KCNJ6: variants seen among roughly 807,000 people sequenced by gnomAD.
KCNJ6 encodes the protein G protein-activated inward rectifier potassium channel 2.
Under a neutral mutation model 34.2 loss-of-function variants are expected in KCNJ6, and 9 were observed. The ratio of observed to expected loss-of-function variants is 0.26; its 90% CI spans 0.16 to 0.46. The LOEUF is 0.46. Ranked by LOEUF, KCNJ6 falls within the 20% of genes least tolerant of loss-of-function variation. KCNJ6 has a pLI of 1.00. For synonymous variants in KCNJ6, 196 were observed against 207.1 expected (o/e 0.95, Z 0.46); for missense variants, 236 against 531.3 (o/e 0.44, Z 5.46).
intron 1 of KCNJ6, among the ~76,000 whole-genome samples, chr21:37,848,038 A>G (rs931567356): frequency 6.6e-6 from 1 of 152,192 alleles, no homozygotes; most frequent in Non-Finnish European, 1.5e-5. Context: ...TGAGAAGAAG[A>G]GCAGGAGGCT....
rs529790767 is a variant in KCNJ6, at chr21:37,822,625, C to T, written c.25+18033G>A. ...GGATGCTTTATATTGGGGTCTATGG[C>T]TTTGTTGGAGCCTGCTCACATAGAC... On this transcript the variant is annotated intron_variant, in intron 2 of 3. Coordinates refer to ENST00000609713, the MANE Select transcript of KCNJ6 (RefSeq NM_002240.5). Among the ~76,000 whole-genome samples, 12 of 152,304 alleles carry T rather than the reference C, an allele frequency of 7.9e-5. No homozygotes were observed. The South Asian group carries it at 2.5e-3, about 32-fold the overall frequency.
intron 3 of KCNJ6, among the ~76,000 whole-genome samples, chr21:37,632,316 A>G (rs1016566407): frequency 4.1e-5 from 6 of 147,774 alleles, no homozygotes; most frequent in African/African-American, 7.3e-5. Context: ...TGGAAATTTG[A>G]TAGTACTTAG....
intron 2 of KCNJ6, among the ~76,000 whole-genome samples, chr21:37,725,942 GTC>G (rs1168130126): frequency 6.6e-6 from 1 of 152,144 alleles, no homozygotes; most frequent in Non-Finnish European, 1.5e-5. Context: ...TTTCACTCTT[GTC>G]ACCCAGGCTG....
intron 1 of KCNJ6, among the ~76,000 whole-genome samples, chr21:37,884,843 C>G (rs926348145): frequency 6.6e-6 from 1 of 152,140 alleles, no homozygotes; most frequent in Non-Finnish European, 1.5e-5. Context: ...AAATAATGTG[C>G]GTCTCACTTC....
At chr21:37,721,412 T>C (rs1273773044) in intron 2 of KCNJ6, among the ~76,000 whole-genome samples, 2 of 152,174 alleles carry the variant, frequency 1.3e-5, no homozygotes, top group African/African-American at 4.8e-5. Flanking sequence ...AATCCAGCAA[T>C]TGCACTTCTA....
At chr21:37,860,686 C>G (rs761443818) in intron 1 of KCNJ6, among the ~76,000 whole-genome samples, 1 of 152,044 alleles carries the variant, frequency 6.6e-6, no homozygotes, top group Non-Finnish European at 1.5e-5. Context: ...GGCCATTGTA[C>G]TTGCCAGAAA....
At chr21:37,737,483 A>G (rs1263368696) in intron 2 of KCNJ6, among the ~76,000 whole-genome samples, 7 of 152,246 alleles carry the variant, frequency 4.6e-5, no homozygotes, top group East Asian at 3.8e-4. Flanking sequence ...TTATTTTTCC[A>G]GGATCATCTT....
Position 37,714,215 on chromosome 21 carries a change from G to C in KCNJ6, c.942C>G (p.Ala314=), listed in dbSNP as rs2054778039. Residue 314 remains alanine, a synonymous_variant, in exon 3 of 4, where the codon GCC becomes GCG. Coordinates refer to ENST00000609713, the MANE Select transcript of KCNJ6 (RefSeq NM_002240.5). This position sits in a 1 kb window ranked among gnomAD's most constrained non-coding sequence, Gnocchi z 5.9. The part of the protein sequence containing the change: ...IVVILEGMVE[A]TGMTCQARSS... Reference sequence around the variant, plus strand: ...CCAGGATAGAACACATCTTACCTGTGGCTTCCACCATTCCTTCTAGGATGA... The same window carrying C: ...CCAGGATAGAACACATCTTACCTGTCGCTTCCACCATTCCTTCTAGGATGA... The C allele has an allele frequency of 6.2e-7, 1 of 1,611,386 alleles. No individual in the cohort carries two copies. Among genetic ancestry groups the C allele is most frequent in the African/African-American group, 1.3e-5 (1 of 74,864 alleles).
chr21:37,880,853 A>C (rs894021835), intron 1 of KCNJ6, among the ~76,000 whole-genome samples: 2 of 152,232 alleles, frequency 1.3e-5, no homozygotes, highest in Non-Finnish European at 2.9e-5. Flanking sequence ...CAAGGAAAAC[A>C]GATGAGAACC....
intron 2 of KCNJ6, among the ~76,000 whole-genome samples, chr21:37,817,621 C>T (rs2055352739): frequency 6.6e-6 from 1 of 152,182 alleles, no homozygotes. Flanking sequence ...GGGGTATTCT[C>T]AGGTTCACCT....
chr21:37,682,242 A>G (rs1170316743), intron 3 of KCNJ6, among the ~76,000 whole-genome samples: 2 of 152,180 alleles, frequency 1.3e-5, no homozygotes, highest in African/African-American at 4.8e-5. Context: ...AGGGCTGTGC[A>G]TACTCTGAAG....
intron 3 of KCNJ6, among the ~76,000 whole-genome samples, chr21:37,702,198 A>T (rs1479059110): frequency 2.3e-5 from 3 of 131,758 alleles, no homozygotes; most frequent in African/African-American, 8.7e-5. Context: ...GTACCACTGC[A>T]CTCTAGCCTG....
At chr21:37,845,877 C>T (rs2055504209) in intron 1 of KCNJ6, among the ~76,000 whole-genome samples, 1 of 152,162 alleles carries the variant, frequency 6.6e-6, no homozygotes, top group African/African-American at 2.4e-5. Context: ...CCTAGGCACA[C>T]TGCTTGGAAG....
intron 3 of KCNJ6, among the ~76,000 whole-genome samples, chr21:37,651,650 A>T (rs1445458106): frequency 6.6e-6 from 1 of 152,228 alleles, no homozygotes. Flanking sequence ...CCTTGATGTC[A>T]TCTAGGTTTC....
Position 37,714,923 on chromosome 21 carries a change from G to A in KCNJ6, c.234C>T (p.Thr78=), listed in dbSNP as rs750928265. ...GNVRETYRYL[T]DIFTTLVDLK... is the part of the protein sequence containing the mutation. ...GGTCCACTAATGTGGTGAAGATATCGGTCAGGTAGCGATAGGTCTCCCTCA... is the reference window on the plus strand; with the variant it reads ...GGTCCACTAATGTGGTGAAGATATCAGTCAGGTAGCGATAGGTCTCCCTCA... The change falls in exon 3 of 4, where the codon ACC becomes ACT. Residue 78 remains threonine (T), a synonymous_variant. Transcript: ENST00000609713. The surrounding 1 kb of genome is among the most constrained non-coding windows in gnomAD (Gnocchi z 5.9). 24 of 1,614,186 alleles carry A rather than the reference G, an allele frequency of 1.5e-5. No homozygotes were observed. In the South Asian group the frequency reaches 2.0e-4, roughly 13 times the overall value.
chr21:37,768,977 T>C (rs536246039), intron 2 of KCNJ6, among the ~76,000 whole-genome samples: 111 of 152,308 alleles, frequency 7.3e-4, no homozygotes, highest in Non-Finnish European at 1.2e-3. Flanking sequence ...TAGGAGAAAG[T>C]ACCAACTTTG....
At chr21:37,832,402 C>T (rs1032564333) in intron 2 of KCNJ6, among the ~76,000 whole-genome samples, 2 of 152,022 alleles carry the variant, frequency 1.3e-5, no homozygotes, top group African/African-American at 4.8e-5. Flanking sequence ...GGTGACACAA[C>T]GTCTTCCTCG....
At chr21:37,855,554 G>T (rs2055560544) in intron 1 of KCNJ6, among the ~76,000 whole-genome samples, 1 of 151,888 alleles carries the variant, frequency 6.6e-6, no homozygotes, top group African/African-American at 2.4e-5. Flanking sequence ...GTGACAAAAA[G>T]AATTAAGCAG....
intron 2 of KCNJ6, among the ~76,000 whole-genome samples, chr21:37,736,017 A>C (rs1305210830): frequency 6.6e-6 from 1 of 152,230 alleles, no homozygotes; most frequent in Non-Finnish European, 1.5e-5. Flanking sequence ...TCGGTAGCAC[A>C]GACTTGGGTG....
Sources: gnomAD v4.1 joint callset for allele counts (sites outside exome capture counted in the v4.1 genomes callset) on GRCh38, gnomAD v4.1.1 for gene constraint, Gnocchi (gnomAD v3.1) non-coding constraint, MANE v1.5 for transcripts, NCBI Gene and HGNC (gene_info 2026-07-23, HGNC 2026-07-21) for gene names.